PNPLA7: variants seen among roughly 807,000 people sequenced by gnomAD.
PNPLA7 encodes the protein patatin like domain 7, lysophospholipase, also known as patatin-like phospholipase domain-containing protein 7.
In PNPLA7, 153 loss-of-function variants were observed where a neutral mutation model predicts 161.7. That is an observed-to-expected ratio of 0.95 (90% CI 0.83 to 1.08). The LOEUF (loss-of-function observed/expected upper bound fraction) is 1.08, where lower values mean the gene tolerates loss of function less well. Among genes scored for constraint, PNPLA7 ranks in the 50% least tolerant of loss-of-function variants. The probability of loss-of-function intolerance (pLI) is 0.00; values close to 1 mark genes in which losing one functional copy is unlikely to be tolerated. For synonymous variants in PNPLA7, 809 were observed against 782.1 expected (o/e 1.03, Z -0.57); for missense variants, 1,739 against 1,856.6 (o/e 0.94, Z 1.16).
At chr9:137,488,239 C>G (rs1358824266) in intron 20 of PNPLA7, among the ~76,000 whole-genome samples, 1 of 152,038 alleles carries the variant, frequency 6.6e-6, no homozygotes, top group Non-Finnish European at 1.5e-5. Flanking sequence ...TCGTCCCGAG[C>G]TTCGGCCCGA....
At chr9:137,497,427 T>A in intron 17 of PNPLA7, 117 bp from the exon 18 acceptor site, 1 of 1,032,156 alleles carries the variant, frequency 9.7e-7, no homozygotes, top group Non-Finnish European at 1.3e-6. Context: ...CTTCTCACTA[T>A]CTTATTTTTG....
rs367778122 is a variant in PNPLA7 at position 137,480,293 on chromosome 9, C to T, written c.2580+19G>A. The T allele has an allele frequency of 4.2e-5, 68 of 1,607,086 alleles. No individual in the cohort carries two copies. The highest frequency in any genetic ancestry group is 4.0e-4 in the Middle Eastern group (2 of 5,054). On this transcript the variant is annotated intron_variant, in intron 23 of 34. Transcript: ENST00000406427. ...AAGAGAGGGCTCTCCCCAGCTCCAC[C>T]GGCCCTCCCCGTGCTCACCTCGCCC...
In PNPLA7 at chr9:137,468,232, C is replaced by G. The variant is rs1013002309; in HGVS notation, c.2883-759G>C. Among the ~76,000 whole-genome samples, 1 of 151,564 alleles carries G rather than the reference C, an allele frequency of 6.6e-6. No individual in the cohort carries two copies. Among genetic ancestry groups the G allele is most frequent in the African/African-American group, 2.4e-5 (1 of 41,280 alleles). On this transcript the variant is annotated intron_variant, in intron 25 of 34. Transcript: ENST00000406427. This position sits in a 1 kb window ranked among gnomAD's most constrained non-coding sequence, Gnocchi z 4.0. Reference sequence around the variant, plus strand: ...AGACCAGGCAGCCGGCACCCAGGGCCTCTAATTGCTACTGCTGCTTTCATA... The same window carrying G: ...AGACCAGGCAGCCGGCACCCAGGGCGTCTAATTGCTACTGCTGCTTTCATA...
chr9:137,511,567 T>C (rs1021932793), intron 12 of PNPLA7, among the ~76,000 whole-genome samples: 1 of 152,148 alleles, frequency 6.6e-6, no homozygotes, highest in Non-Finnish European at 1.5e-5. Flanking sequence ...AAGGCACCCA[T>C]TACTTAGCAG....
chr9:137,536,134 C>A (rs1835876124), intron 8 of PNPLA7, among the ~76,000 whole-genome samples: 1 of 144,716 alleles, frequency 6.9e-6, no homozygotes, highest in Non-Finnish European at 1.5e-5. Context: ...GCCTGGGCGA[C>A]AGACCAAGAC....
Position 137,479,214 on chromosome 9 carries a change from C to A in PNPLA7, c.2605G>T (p.Ala869Ser), listed in dbSNP as rs750345586. Residue 869 changes from alanine (A) to serine (S), a missense_variant, in exon 24 of 35, where the codon GCT (alanine) becomes TCT (serine). By Grantham distance (99) the Ala-to-Ser change is moderately conservative. Transcript: ENST00000406427. ...ATCAGCTGCTTCTGGGCACGCACAG[C>A]TGTGCTCTCCAGCATCCGCTCCAGC... is the stretch of plus-strand genomic sequence containing the variant. ...GELERMLEST[A>S]VRAQKQLILL... The A allele has an allele frequency of 3.9e-6, 6 of 1,549,914 alleles. No individual in the cohort carries two copies. The highest frequency in any genetic ancestry group is 3.9e-5 in the Admixed American group (2 of 51,470).
chr9:137,525,739 C>T (rs999757580), intron 8 of PNPLA7, among the ~76,000 whole-genome samples: 3 of 146,500 alleles, frequency 2.0e-5, no homozygotes, highest in African/African-American at 7.9e-5. Context: ...CGGATGGCTG[C>T]GGGCGGGCTT....
At position 137,491,701 on chromosome 9, in the gene PNPLA7, C is replaced by T. The variant is rs901121213; in HGVS notation, c.2197+1312G>A. ...CTAGAGTGGGGCTCACACTTCGCTG[C>T]CTCTGTGTGGCCCTCTGTGCATCCA... On this transcript the variant is annotated intron_variant, in intron 20 of 34. Transcript: ENST00000406427. The T allele has an allele frequency of 3.0e-6, 3 of 985,306 alleles. No homozygotes were observed. In the African/African-American group the frequency reaches 5.2e-5, roughly 17 times the overall value. 61.0% of individuals were successfully genotyped at this position (985,306 alleles called of 1,614,324 possible).
rs113441984 is a variant in PNPLA7 at position 137,496,567 on chromosome 9, C to T, written c.2013+620G>A. On this transcript the variant is annotated intron_variant, in intron 18 of 34. Transcript: ENST00000406427. Reference sequence around the variant, plus strand: ...TCTCTACTAAAAATACAAAATTAGCCGGGCGTGGTGGCGCACACCTTTAAT... The same window carrying T: ...TCTCTACTAAAAATACAAAATTAGCTGGGCGTGGTGGCGCACACCTTTAAT... Among the ~76,000 whole-genome samples the T allele has an allele frequency of 1.1e-3, 164 of 152,020 alleles. 2 individuals are homozygous for T. Among genetic ancestry groups the T allele is most frequent in the African/African-American group, 3.7e-3 (154 of 41,506 alleles).
chr9:137,469,975 CAT>C (rs1237606243), intron 25 of PNPLA7, among the ~76,000 whole-genome samples: 1 of 152,146 alleles, frequency 6.6e-6, no homozygotes, highest in African/African-American at 2.4e-5. Context: ...AGAAATAGAA[CAT>C]ATGAGTAGTA....
chr9:137,500,935 C>T lies in PNPLA7; in HGVS notation c.1552-39G>A, dbSNP rs554467633. On this transcript the variant is annotated intron_variant, in intron 15 of 34. Coordinates refer to ENST00000406427, the MANE Select transcript of PNPLA7 (RefSeq NM_001098537.3). The surrounding 1 kb of genome is among the most constrained non-coding windows in gnomAD (Gnocchi z 5.5). ...GGGCTCAGGAGGCGCCGCGAGTGGC[C>T]GCGGGCAGGACGGGGGCAGCTCTGG... 6.1e-5 allele frequency: 94 copies of T among 1,528,954 alleles called. No individual in the cohort carries two copies. The highest frequency in any genetic ancestry group is 1.2e-4 in the Admixed American group (6 of 50,752). The allele number at this position is 1,528,954 out of a possible 1,614,324, so 94.7% of individuals were successfully genotyped here.
chr9:137,497,159 G>A (rs963818173), intron 18 of PNPLA7, 28 bp downstream of exon 18: 19 of 1,520,102 alleles, frequency 1.2e-5, no homozygotes, highest in South Asian at 2.6e-5. Context: ...CAGAGGTGGG[G>A]GAGGCAGGAG....
chr9:137,523,740 C>T lies in PNPLA7; in HGVS notation c.748-883G>A, dbSNP rs1040336028. On this transcript the variant is annotated intron_variant, in intron 8 of 34. Transcript: ENST00000406427. This position sits in a 1 kb window ranked among gnomAD's most constrained non-coding sequence, Gnocchi z 4.4. ...CTCCCGGGTTCACACCATTCTCCTG[C>T]CTCAGCCTCCACAGTAGCTGGGGCT... Among the ~76,000 whole-genome samples the T allele has an allele frequency of 6.6e-6, 1 of 152,050 alleles. No homozygotes were observed. The highest frequency in any genetic ancestry group is 6.5e-5 in the Admixed American group (1 of 15,268).
At chr9:137,506,829 C>T (rs1166917855) in intron 12 of PNPLA7, among the ~76,000 whole-genome samples, 1 of 152,270 alleles carries the variant, frequency 6.6e-6, no homozygotes, top group Non-Finnish European at 1.5e-5. Flanking sequence ...CACGCACTTC[C>T]AGGCACAGAT....
At chr9:137,505,860 G>T in intron 13 of PNPLA7, 100 bp from the exon 14 acceptor site, 1 of 1,543,262 alleles carries the variant, frequency 6.5e-7, no homozygotes, top group Non-Finnish European at 8.9e-7. Flanking sequence ...GGAAAGGCCG[G>T]CTGAGCCTCC....
rs1465128816 is a variant in PNPLA7, at chr9:137,500,695, A to C, written c.1753T>G (p.Tyr585Asp). 5 of 1,612,060 alleles carry C rather than the reference A, an allele frequency of 3.1e-6. No homozygotes were observed. Among genetic ancestry groups the C allele is most frequent in the Non-Finnish European group, 4.2e-6 (5 of 1,179,792 alleles). Reference sequence around the variant, plus strand: ...GTCCTGGCCCGTGGGACTCACTCATAGAAGTGGGCCTTGGAGATGGACAGG... The same window carrying C: ...GTCCTGGCCCGTGGGACTCACTCATCGAAGTGGGCCTTGGAGATGGACAGG... ...SFLSISKAHF[Y>D]EIMRKQPTVV... The change falls in exon 16 of 35, where the codon TAT becomes GAT. Residue 585 changes from tyrosine (Y) to aspartate (D), a missense_variant. Tyr to Asp is a radical substitution (Grantham distance 160, BLOSUM62 -3). Transcript: ENST00000406427. The surrounding 1 kb of genome is among the most constrained non-coding windows in gnomAD (Gnocchi z 5.5).
intron 26 of PNPLA7, among the ~76,000 whole-genome samples, chr9:137,466,834 G>A (rs1328896777): frequency 3.1e-4 from 23 of 75,152 alleles, no homozygotes; most frequent in African/African-American, 6.4e-4. Flanking sequence ...TCCCACCACC[G>A]TCTCCATCAC....
At chr9:137,519,270 G>A (rs1834857514) in intron 11 of PNPLA7, among the ~76,000 whole-genome samples, 2 of 152,228 alleles carry the variant, frequency 1.3e-5, no homozygotes, top group Admixed American at 1.3e-4. Flanking sequence ...GATCGTCGTG[G>A]GGTGACTCAT....
rs368429680 is a variant in PNPLA7 at position 137,461,937 on chromosome 9, C to A, written c.3750G>T (p.Ala1250=). The change falls in exon 32 of 35, where the codon GCG becomes GCT. Residue 1250 remains alanine, a synonymous_variant. Coordinates refer to ENST00000406427, the MANE Select transcript of PNPLA7 (RefSeq NM_001098537.3). ...RDQQGPSKKP[A]SAVLTCPNAS... ...TCCGGACGCCCGTACTCACCGCACT[C>A]GCGGGCTTCTTGCTCGGCCCCTGCT... 7 of 1,571,108 alleles carry A rather than the reference C, an allele frequency of 4.5e-6. No homozygotes were observed. Among genetic ancestry groups the A allele is most frequent in the Admixed American group, 1.8e-5 (1 of 55,202 alleles).
Sources: allele counts gnomAD v4.1 joint callset (sites outside exome capture counted in the v4.1 genomes callset), GRCh38; gene constraint gnomAD v4.1.1; non-coding constraint Gnocchi (gnomAD v3.1); transcripts MANE v1.5; gene names NCBI Gene and HGNC (gene_info 2026-07-23, HGNC 2026-07-21).